Variants in TCTN3 observed in about 807,000 individuals in gnomAD.
TCTN3 encodes tectonic family member 3, also known as tectonic-3.
A neutral mutation model predicts 71.3 loss-of-function variants in TCTN3; 57 were observed. That is an observed-to-expected ratio of 0.80 (90% CI 0.65 to 1.00). The LOEUF (loss-of-function observed/expected upper bound fraction) is 1.00, where lower values mean the gene tolerates loss of function less well. Among genes scored for constraint, TCTN3 ranks in the 50% least tolerant of loss-of-function variants. The pLI is 0.00. For missense variants in TCTN3, 696 were observed against 719.9 expected, an observed-to-expected ratio of 0.97 and a Z score of 0.38; for synonymous variants, 258 against 267.8, an observed-to-expected ratio of 0.96 and a Z score of 0.36.
intron 7 of TCTN3, 26 bp from the exon 8 acceptor site, chr10:95,685,662 CTA>C: frequency 6.6e-7 from 1 of 1,525,090 alleles, no homozygotes; most frequent in Non-Finnish European, 8.9e-7. Context: ...AGCAAATTAA[CTA>C]AAACTGAAGG....
chr10:95,692,895 GAAC>G, intron 3 of TCTN3, 22 bp downstream of exon 3: 1 of 1,542,942 alleles, frequency 6.5e-7, no homozygotes. Context: ...TAGAAAATGA[GAAC>G]AACCAACATG....
Position 95,665,941 on chromosome 10 carries a change from G to C in TCTN3, c.1591-1641C>G, listed in dbSNP as rs1414184601. ...CTAATCTTGCATTCAAATTAATTCT[G>C]TAGTTTTTTTTTTTTTTGAGATGGA... On this transcript the variant is annotated intron_variant, in intron 13 of 13. Coordinates refer to ENST00000371217, the MANE Select transcript of TCTN3 (RefSeq NM_015631.6). Among the ~76,000 whole-genome samples, 4 of 82,286 alleles carry C rather than the reference G, an allele frequency of 4.9e-5. No homozygotes were observed. In the South Asian group the frequency reaches 1.2e-3, roughly 25 times the overall value. 54.0% of individuals were successfully genotyped at this position (82,286 alleles called of 152,430 possible). A position where few individuals can be genotyped will look rare whatever the true frequency, so the allele number is the denominator to read the frequency against.
At chr10:95,692,734 G>C (rs922590680) in intron 3 of TCTN3, 186 bp downstream of exon 3, 2 of 570,434 alleles carry the variant, frequency 3.5e-6, no homozygotes, top group African/African-American at 3.8e-5. Context: ...ACACAAATTT[G>C]TAAACTTTCT....
intron 13 of TCTN3, among the ~76,000 whole-genome samples, chr10:95,673,808 C>G (rs559106930): frequency 6.6e-6 from 1 of 152,286 alleles, no homozygotes; most frequent in Admixed American, 6.5e-5. Context: ...CCACTTCACT[C>G]CAGCCTGGGC....
At chr10:95,684,426 AC>A in intron 9 of TCTN3, 72 bp downstream of exon 9, 1 of 1,568,108 alleles carries the variant, frequency 6.4e-7, no homozygotes, top group East Asian at 2.3e-5. Flanking sequence ...CACATGTATT[AC>A]AGAAGCAAAG....
At position 95,670,061 on chromosome 10, in the gene TCTN3, C is replaced by CAAAAA. The variant is rs34609339; in HGVS notation, c.1591-5766_1591-5762dup. On this transcript the variant is annotated intron_variant, in intron 13 of 13. Coordinates refer to ENST00000371217, the MANE Select transcript of TCTN3 (RefSeq NM_015631.6). ...CCTGGGCGACAGCGAGACTCCGTCT[C>CAAAAA]AAAAAAAAAAAAAAAAAAAAAAAGA... Among the ~76,000 whole-genome samples, 294 of 81,062 alleles carry CAAAAA rather than the reference C, an allele frequency of 3.6e-3. 11 individuals carry two copies. The highest frequency in any genetic ancestry group is 7.5e-3 in the South Asian group (15 of 2,004). 53.2% of individuals were successfully genotyped at this position (81,062 alleles called of 152,430 possible). A position where few individuals can be genotyped will look rare whatever the true frequency, so the allele number is the denominator to read the frequency against.
Position 95,683,622 on chromosome 10 carries a change from T to G in TCTN3, c.1103A>C (p.Gln368Pro), listed in dbSNP as rs200742071. 1 of 1,605,432 alleles carries G rather than the reference T, an allele frequency of 6.2e-7. No homozygotes were observed. Among genetic ancestry groups the G allele is most frequent in the Non-Finnish European group, 8.5e-7 (1 of 1,175,516 alleles). ...QHFILRFRAF[Q>P]QSTAASLTSP... is the part of the protein sequence containing the mutation. Reference sequence around the variant, plus strand: ...GGTGAGAGAAGCAGCTGTGCTCTGTTGAAAAGCCTGCAGAAAGAGGGAAGA... The same window carrying G: ...GGTGAGAGAAGCAGCTGTGCTCTGTGGAAAAGCCTGCAGAAAGAGGGAAGA... The change falls in exon 10 of 14, where the codon CAA becomes CCA. Residue 368 changes from glutamine (Q) to proline (P), a missense_variant. Transcript: ENST00000371217.
chr10:95,683,005 T>G (rs2097944568), intron 11 of TCTN3, 96 bp downstream of exon 11: 3 of 1,338,482 alleles, frequency 2.2e-6, no homozygotes, highest in Non-Finnish European at 3.1e-6. Context: ...GACTAGCATT[T>G]TCCGAACTGT....
chr10:95,689,414 C>T (rs1011162362), intron 3 of TCTN3, among the ~76,000 whole-genome samples: 1 of 152,210 alleles, frequency 6.6e-6, no homozygotes, highest in Non-Finnish European at 1.5e-5. Flanking sequence ...CAAACCCTAA[C>T]GCTTCCAAGA....
Position 95,684,490 on chromosome 10 carries a change from G to C in TCTN3, c.1095+9C>G. ...CCCTCTAAATCCCCTATAAGAGAAG[G>C]GCCCTAACCCTGAAGCGAAGGATGA... On this transcript the variant is annotated intron_variant, in intron 9 of 13. Coordinates refer to ENST00000371217, the MANE Select transcript of TCTN3 (RefSeq NM_015631.6). The C allele has an allele frequency of 6.2e-7, 1 of 1,613,140 alleles. No individual in the cohort carries two copies. The highest frequency in any genetic ancestry group is 2.2e-5 in the East Asian group (1 of 44,852).
At chr10:95,687,537 C>G in intron 4 of TCTN3, 55 bp downstream of exon 4, 4 of 1,601,478 alleles carry the variant, frequency 2.5e-6, no homozygotes, top group Non-Finnish European at 3.4e-6. Context: ...TGTCAGCTGT[C>G]TGCTGTGAGA....
At position 95,664,178 on chromosome 10, in the gene TCTN3, A is replaced by G. The variant is rs761610407; in HGVS notation, c.1713T>C (p.Phe571=). The G allele has an allele frequency of 6.2e-7, 1 of 1,614,204 alleles. No homozygotes were observed. Among genetic ancestry groups the G allele is most frequent in the Non-Finnish European group, 8.5e-7 (1 of 1,180,034 alleles). The change falls in exon 14 of 14, where the codon TTT becomes TTC. Residue 571 remains phenylalanine (F), a synonymous_variant. Transcript: ENST00000371217. Reference sequence around the variant, plus strand: ...CTCTGCTGAATGCCACTTTGAAGGGAAAGAAGTCGAATGGCCATTTCCAGT... The same window carrying G: ...CTCTGCTGAATGCCACTTTGAAGGGGAAGAAGTCGAATGGCCATTTCCAGT... ...KMDWKWPFDF[F]PFKVAFSRGV...
At chr10:95,686,405 C>A (rs1589617404) in intron 7 of TCTN3, 90 bp downstream of exon 7, 2 of 1,357,678 alleles carry the variant, frequency 1.5e-6, no homozygotes, top group East Asian at 4.6e-5. Context: ...TTACATTTAT[C>A]TTTCAACAGT....
intron 13 of TCTN3, among the ~76,000 whole-genome samples, chr10:95,673,529 A>T (rs1485168508): frequency 2.0e-5 from 3 of 151,928 alleles, no homozygotes; most frequent in Non-Finnish European, 4.4e-5. Flanking sequence ...TTTCAGCAGC[A>T]CCAATTGTTA....
intron 13 of TCTN3, among the ~76,000 whole-genome samples, chr10:95,668,622 A>T (rs1463455270): frequency 6.7e-6 from 1 of 149,304 alleles, no homozygotes; most frequent in African/African-American, 2.4e-5. Context: ...AACTAAAGAA[A>T]AAAAATACTT....
chr10:95,691,683 T>C (rs921883478), intron 3 of TCTN3, among the ~76,000 whole-genome samples: 2 of 152,212 alleles, frequency 1.3e-5, no homozygotes, highest in African/African-American at 2.4e-5. Flanking sequence ...TGCAGGAACA[T>C]TATTTTGCTT....
rs2139767280 is a variant in TCTN3 at position 95,693,411 on chromosome 10, C to A, written c.322G>T (p.Asp108Tyr). ...GTCCTCGGATGGAGAAGATAGCAGTCCCTGTCGCAGCAGCAATTTATATCG... is the reference window on the plus strand; with the variant it reads ...GTCCTCGGATGGAGAAGATAGCAGTACCTGTCGCAGCAGCAATTTATATCG... ...ACDINCCCDR[D>Y]CYLLHPRTVF... The change falls in exon 2 of 14, where the codon GAC (aspartate) becomes TAC (tyrosine). Residue 108 changes from aspartate to tyrosine, a missense_variant. By Grantham distance (160) the Asp-to-Tyr change is radical. Coordinates refer to ENST00000371217, the MANE Select transcript of TCTN3 (RefSeq NM_015631.6). 4.5e-6 allele frequency: 7 copies of A among 1,551,986 alleles called. No homozygotes were observed. The highest frequency in any genetic ancestry group is 6.1e-6 in the Non-Finnish European group (7 of 1,147,036).
chr10:95,684,821 G>A (rs1187227362), intron 8 of TCTN3, among the ~76,000 whole-genome samples, 197 bp from the exon 9 acceptor site: 2 of 152,100 alleles, frequency 1.3e-5, no homozygotes, highest in East Asian at 1.9e-4. Context: ...AAAAGAAACT[G>A]GATAGAGCTC....
chr10:95,688,414 A>G (rs1253364341), intron 3 of TCTN3, among the ~76,000 whole-genome samples: 17 of 122,724 alleles, frequency 1.4e-4, no homozygotes, highest in South Asian at 2.9e-4. Flanking sequence ...AAAAAAAAAA[A>G]AAAAGAAAAA....
Sources: allele counts gnomAD v4.1 joint callset (sites outside exome capture counted in the v4.1 genomes callset), GRCh38; gene constraint gnomAD v4.1.1; transcripts MANE v1.5; gene names NCBI Gene and HGNC (gene_info 2026-07-23, HGNC 2026-07-21).